FOXP1: variants seen among roughly 807,000 people sequenced by gnomAD.
FOXP1 encodes the protein forkhead box P1, also known as forkhead box protein P1.
In FOXP1, 15 loss-of-function variants were observed where a neutral mutation model predicts 98.2. The observed-to-expected ratio is 0.15, with a 90% CI of 0.10 to 0.24. The LOEUF is 0.24. FOXP1 is among the 10% of genes least tolerant of loss of function. The pLI is 1.00. For missense variants in FOXP1, 633 were observed against 848.5 expected, an observed-to-expected ratio of 0.75 and a Z score of 3.15; for synonymous variants, 371 against 314.5, an observed-to-expected ratio of 1.18 and a Z score of -1.90.
intron 3 of FOXP1, among the ~76,000 whole-genome samples, chr3:71,426,538 G>T (rs1337231049): frequency 6.6e-6 from 1 of 152,168 alleles, no homozygotes; most frequent in African/African-American, 2.4e-5. Flanking sequence ...CTGATAAAGG[G>T]AGGGTTACTG....
intron 18 of FOXP1, chr3:70,971,623 GTAT>G (rs938953991): frequency 9.9e-5 from 16 of 162,368 alleles, no homozygotes; most frequent in African/African-American, 3.1e-4. Flanking sequence ...CATTACATTT[GTAT>G]TATTATAGTG....
intron 6 of FOXP1, among the ~76,000 whole-genome samples, chr3:71,161,550 GCAGCTGCC>G (rs1267121711): frequency 1.3e-5 from 2 of 152,208 alleles, no homozygotes; most frequent in African/African-American, 4.8e-5. Context: ...AGTGAAAAGC[GCAGCTGCC>G]CAGAGTAAAT....
At chr3:71,172,433 C>T (rs2061696952) in intron 6 of FOXP1, among the ~76,000 whole-genome samples, 1 of 152,102 alleles carries the variant, frequency 6.6e-6, no homozygotes, top group South Asian at 2.1e-4. Flanking sequence ...AAATGAAAAT[C>T]GCATCCAATA....
At chr3:71,203,825 C>T (rs1349026336) in intron 5 of FOXP1, among the ~76,000 whole-genome samples, 1 of 151,836 alleles carries the variant, frequency 6.6e-6, no homozygotes. Context: ...TTACACAGTC[C>T]ACCCCCCATC....
At chr3:71,548,765 C>T (rs1231428700) in intron 2 of FOXP1, among the ~76,000 whole-genome samples, 1 of 151,074 alleles carries the variant, frequency 6.6e-6, no homozygotes, top group Non-Finnish European at 1.5e-5. Context: ...TTGGCCTTTA[C>T]CCCCCCAAAA....
At chr3:71,207,860 G>A (rs767746129) in intron 5 of FOXP1, among the ~76,000 whole-genome samples, 2 of 152,156 alleles carry the variant, frequency 1.3e-5, no homozygotes, top group African/African-American at 2.4e-5. Context: ...AGGGACAAGC[G>A]TCATGTGCAC....
At chr3:71,483,713 G>A (rs1342932998) in intron 3 of FOXP1, among the ~76,000 whole-genome samples, 1 of 152,132 alleles carries the variant, frequency 6.6e-6, no homozygotes, top group Non-Finnish European at 1.5e-5. Flanking sequence ...AGCCTAAAAT[G>A]TTTACTATCT....
At chr3:71,517,361 A>G (rs979191726) in intron 2 of FOXP1, among the ~76,000 whole-genome samples, 1 of 152,212 alleles carries the variant, frequency 6.6e-6, no homozygotes, top group East Asian at 1.9e-4. Context: ...ATAAGTAACA[A>G]TGCAAGAATG....
At chr3:71,197,918 G>T in intron 6 of FOXP1, 3 of 1,614,184 alleles carry the variant, frequency 1.9e-6, no homozygotes, top group Non-Finnish European at 2.5e-6. Flanking sequence ...AATGGGGAAG[G>T]GTTAGGCTGA....
chr3:71,234,927 G>A (rs989584285), intron 5 of FOXP1, among the ~76,000 whole-genome samples: 4 of 152,150 alleles, frequency 2.6e-5, no homozygotes, highest in Admixed American at 6.5e-5. Flanking sequence ...GTAAGTGGGC[G>A]CATTTCATGC....
At chr3:71,515,636 G>C (rs532717014) in intron 2 of FOXP1, among the ~76,000 whole-genome samples, 2 of 152,148 alleles carry the variant, frequency 1.3e-5, no homozygotes, top group African/African-American at 4.8e-5. Context: ...TAGGGAGGGA[G>C]GGGGAGGAGA....
intron 2 of FOXP1, among the ~76,000 whole-genome samples, chr3:71,529,379 G>T (rs1261611273): frequency 6.6e-6 from 1 of 152,190 alleles, no homozygotes; most frequent in Non-Finnish European, 1.5e-5. Context: ...GACATAATAA[G>T]AAATAAATAT....
intron 2 of FOXP1, among the ~76,000 whole-genome samples, chr3:71,568,962 C>G (rs542771056): frequency 6.6e-6 from 1 of 152,160 alleles, no homozygotes; most frequent in African/African-American, 2.4e-5. Flanking sequence ...TCTGAATTTT[C>G]AAATGCCTCA....
At chr3:71,356,112 G>A (rs974344664) in intron 4 of FOXP1, among the ~76,000 whole-genome samples, 1 of 149,822 alleles carries the variant, frequency 6.7e-6, no homozygotes, top group Non-Finnish European at 1.5e-5. Flanking sequence ...ACATCAGCCT[G>A]CACGAGCGAA....
At chr3:71,060,204 T>A (rs924393080) in intron 7 of FOXP1, among the ~76,000 whole-genome samples, 1 of 152,162 alleles carries the variant, frequency 6.6e-6, no homozygotes, top group Admixed American at 6.5e-5. Flanking sequence ...TTAGACCATT[T>A]CCGAAGTTTT....
chr3:71,113,286 G>A (rs996727970), intron 6 of FOXP1, among the ~76,000 whole-genome samples: 2 of 152,124 alleles, frequency 1.3e-5, no homozygotes, highest in African/African-American at 2.4e-5. Flanking sequence ...AACTGGTTAC[G>A]TTTATTATAA....
intron 5 of FOXP1, among the ~76,000 whole-genome samples, chr3:71,246,349 C>T (rs1318510328): frequency 6.6e-6 from 1 of 152,076 alleles, no homozygotes; most frequent in African/African-American, 2.4e-5. Flanking sequence ...AAACATGTGC[C>T]ATGAGCAAAA....
intron 12 of FOXP1, among the ~76,000 whole-genome samples, chr3:71,007,964 A>G (rs2043015762): frequency 6.6e-6 from 1 of 152,122 alleles, no homozygotes; most frequent in South Asian, 2.1e-4. Flanking sequence ...TACATCTAAC[A>G]AGCAAGGGAA....
At position 70,957,604 on chromosome 3, in the gene FOXP1, AAAT is replaced by A; in HGVS notation, c.*1640_*1642del. 1 of 232,918 alleles carries A rather than the reference AAAT, an allele frequency of 4.3e-6. No individual in the cohort carries two copies. Among genetic ancestry groups the A allele is most frequent in the East Asian group, 6.1e-5 (1 of 16,496 alleles). 14.4% of individuals were successfully genotyped at this position (232,918 alleles called of 1,614,324 possible). Reference sequence around the variant, plus strand: ...AAAAAAACTACAGTCCTATATAAATAAATGACAGGAAAGTGGGTGCAGAGCTGA... The same window carrying A: ...AAAAAAACTACAGTCCTATATAAATAGACAGGAAAGTGGGTGCAGAGCTGA... On this transcript the variant is annotated 3_prime_UTR_variant, in exon 21 of 21. Coordinates refer to ENST00000649528, the MANE Select transcript of FOXP1 (RefSeq NM_001349338.3).
Sources: gnomAD v4.1 joint callset for allele counts (sites outside exome capture counted in the v4.1 genomes callset) on GRCh38, gnomAD v4.1.1 for gene constraint, MANE v1.5 for transcripts, NCBI Gene and HGNC (gene_info 2026-07-23, HGNC 2026-07-21) for gene names.